RHBDD2: variants seen among roughly 807,000 people sequenced by gnomAD.
RHBDD2 encodes rhomboid domain containing 2, also known as rhomboid domain-containing protein 2.
RHBDD2 carries 13 observed loss-of-function variants against 21.7 expected under a neutral mutation model. The ratio of observed to expected loss-of-function variants is 0.60; its 90% CI spans 0.39 to 0.95. The LOEUF (loss-of-function observed/expected upper bound fraction) is 0.95. RHBDD2 is among the 40% of genes least tolerant of loss of function. The pLI is 0.00. For missense variants in RHBDD2, 473 were observed against 478.9 expected, an observed-to-expected ratio of 0.99 and a Z score of 0.11; for synonymous variants, 225 against 220.0, an observed-to-expected ratio of 1.02 and a Z score of -0.20.
chr7:75,882,037 G>A lies in RHBDD2; in HGVS notation c.387G>A (p.Val129=), dbSNP rs1205595699. 6 of 1,614,120 alleles carry A rather than the reference G, an allele frequency of 3.7e-6. No individual in the cohort carries two copies. Among genetic ancestry groups the A allele is most frequent in the Non-Finnish European group, 5.1e-6 (6 of 1,180,058 alleles). ...CATCACTGTCAAAGCTGGGGGAAGT[G>A]GAGGATGCCAGAGGTTTCACCCCAG... ...AVSSLSKLGE[V]EDARGFTPVA... The change falls in exon 2 of 4, where the codon GTG becomes GTA. Residue 129 remains valine, a synonymous_variant. Coordinates refer to ENST00000006777, the MANE Select transcript of RHBDD2 (RefSeq NM_001040456.3).
intron 1 of RHBDD2, 200 bp from the exon 2 acceptor site, chr7:75,881,627 GAT>G (rs1421706015): frequency 9.6e-7 from 1 of 1,038,176 alleles, no homozygotes; most frequent in Non-Finnish European, 1.4e-6. Context: ...GAAGTGTAGG[GAT>G]TAGATATTCA....
intron 3 of RHBDD2, 39 bp downstream of exon 3, chr7:75,883,887 TA>T (rs781901344): frequency 3.5e-4 from 509 of 1,450,358 alleles, no homozygotes; most frequent in Non-Finnish European, 3.5e-4. Flanking sequence ...AAATCTTTTT[TA>T]AAAAAAAAAT....
Position 75,884,758 on chromosome 7 carries a change from A to C in RHBDD2, c.737+910A>C, listed in dbSNP as rs116214615. Among the ~76,000 whole-genome samples, 363 of 152,280 alleles carry C rather than the reference A, an allele frequency of 2.4e-3. 2 individuals are homozygous for C. Among genetic ancestry groups the C allele is most frequent in the African/African-American group, 8.4e-3 (351 of 41,568 alleles). On this transcript the variant is annotated intron_variant, in intron 3 of 3. Transcript: ENST00000006777. ...GGCTGGGCAGGAGGGCCCCCATCTAATTGACATTAGACACATACCTGCTGC... is the reference window on the plus strand; with the variant it reads ...GGCTGGGCAGGAGGGCCCCCATCTACTTGACATTAGACACATACCTGCTGC...
At chr7:75,885,107 C>T (rs1287483230) in intron 3 of RHBDD2, among the ~76,000 whole-genome samples, 1 of 142,690 alleles carries the variant, frequency 7.0e-6, no homozygotes, top group Non-Finnish European at 1.5e-5. Flanking sequence ...GAGCAAGACA[C>T]TGTCTCCCAA....
In RHBDD2 at chr7:75,879,041, C is replaced by T. The variant is rs186561790; in HGVS notation, c.-42C>T. On this transcript the variant is annotated 5_prime_UTR_variant, in exon 1 of 4. Transcript: ENST00000006777. ...CGAGGAGGCGGAAGGAGCAGAGGACCGGCAGCCGGCGTCGAGGCGGGGCGC... is the reference window on the plus strand; with the variant it reads ...CGAGGAGGCGGAAGGAGCAGAGGACTGGCAGCCGGCGTCGAGGCGGGGCGC... The T allele has an allele frequency of 0.021, 29,099 of 1,363,462 alleles. 395 individuals are homozygous for T. The highest frequency in any genetic ancestry group is 0.023 in the Non-Finnish European group (24,248 of 1,055,590). The allele number at this position is 1,363,462 out of a possible 1,614,324, so 84.5% of individuals were successfully genotyped here.
intron 3 of RHBDD2, among the ~76,000 whole-genome samples, chr7:75,886,826 AAAG>A (rs1180409084): frequency 6.6e-6 from 1 of 152,058 alleles, no homozygotes; most frequent in East Asian, 1.9e-4. Context: ...AAAAAAAAAA[AAAG>A]AGTTCTTCCA....
intron 1 of RHBDD2, among the ~76,000 whole-genome samples, chr7:75,880,758 T>C (rs1805276660): frequency 6.6e-6 from 1 of 152,124 alleles, no homozygotes; most frequent in Admixed American, 6.6e-5. Context: ...GATAGGGTCT[T>C]CGTCTTACCC....
At chr7:75,880,753 G>T (rs1394026952) in intron 1 of RHBDD2, among the ~76,000 whole-genome samples, 1 of 151,936 alleles carries the variant, frequency 6.6e-6, no homozygotes, top group Non-Finnish European at 1.5e-5. Flanking sequence ...TTAGAGATAG[G>T]GTCTTCGTCT....
intron 3 of RHBDD2, among the ~76,000 whole-genome samples, chr7:75,887,324 A>AT (rs571402170): frequency 8.7e-4 from 121 of 138,898 alleles, no homozygotes; most frequent in South Asian, 8.0e-3. Flanking sequence ...AAAAAAAACA[A>AT]TTTTTTTTTT....
rs782222419 is a variant in RHBDD2, at chr7:75,883,754, G to A, written c.643G>A (p.Asp215Asn). 19 of 1,613,316 alleles carry A rather than the reference G, an allele frequency of 1.2e-5. No homozygotes were observed. The highest frequency in any genetic ancestry group is 6.7e-5 in the Admixed American group (4 of 59,946). ...CTCAGAGCGAGTGGCACTGAAGCTC[G>A]ATCAGACCTTCCCCTTCAGCCTGAT... ...DLSERVALKLDQTFPFSLMRR... is the reference protein window; with the variant it reads ...DLSERVALKLNQTFPFSLMRR... The change falls in exon 3 of 4, where the codon GAT becomes AAT. Residue 215 changes from aspartate to asparagine, a missense_variant. Coordinates refer to ENST00000006777, the MANE Select transcript of RHBDD2 (RefSeq NM_001040456.3).
chr7:75,880,786 T>C (rs1805278653), intron 1 of RHBDD2, among the ~76,000 whole-genome samples: 1 of 152,146 alleles, frequency 6.6e-6, no homozygotes, highest in Non-Finnish European at 1.5e-5. Context: ...AGTGCAGAGA[T>C]GCAATCATAG....
At chr7:75,883,667 C>T in intron 2 of RHBDD2, 31 bp from the exon 3 acceptor site, 1 of 1,605,738 alleles carries the variant, frequency 6.2e-7, no homozygotes, top group Non-Finnish European at 8.5e-7. Flanking sequence ...CCCTTTGCTG[C>T]CTCCAGTTTC....
At position 75,879,118 on chromosome 7, in the gene RHBDD2, C is replaced by A; in HGVS notation, c.36C>A (p.Cys12Ter). The A allele has an allele frequency of 7.1e-7, 1 of 1,404,928 alleles. No homozygotes were observed. Among genetic ancestry groups the A allele is most frequent in the Admixed American group, 3.1e-5 (1 of 32,068 alleles). 87.0% of individuals were successfully genotyped at this position (1,404,928 alleles called of 1,614,324 possible). A position where few individuals can be genotyped will look rare whatever the true frequency, so the allele number is the denominator to read the frequency against. ...CGGGGCCCGGGTGTCGCAGCTGGTGCTTGTGTCCCGAGGTGCCATCCGCCA... is the reference window on the plus strand; with the variant it reads ...CGGGGCCCGGGTGTCGCAGCTGGTGATTGTGTCCCGAGGTGCCATCCGCCA... The part of the protein sequence containing the change: ...AASGPGCRSW[C>*]LCPEVPSATF... Residue 12 changes from cysteine to a stop codon, truncating the protein, a stop_gained, in exon 1 of 4, where the codon TGC (cysteine) becomes TGA (stop). Transcript: ENST00000006777. LOFTEE classifies it high-confidence loss of function.
rs782764704 is a variant in RHBDD2 at position 75,881,979 on chromosome 7, C to G, written c.329C>G (p.Ser110Cys). 1 of 1,614,264 alleles carries G rather than the reference C, an allele frequency of 6.2e-7. No individual in the cohort carries two copies. The highest frequency in any genetic ancestry group is 1.1e-5 in the South Asian group (1 of 91,088). Reference protein sequence around the residue: ...CFFTVIFAIFSAIIFLSFEAV... With the variant: ...CFFTVIFAIFCAIIFLSFEAV... ...TTCACCGTGATCTTCGCCATCTTCT[C>G]CGCTATCATCTTCCTGTCATTCGAG... The change falls in exon 2 of 4, where the codon TCC (serine) becomes TGC (cysteine). Residue 110 changes from serine (S) to cysteine (C), a missense_variant. Ser to Cys is a moderately radical substitution (Grantham distance 112). Coordinates refer to ENST00000006777, the MANE Select transcript of RHBDD2 (RefSeq NM_001040456.3).
In RHBDD2 at chr7:75,888,523, T is replaced by C; in HGVS notation, c.*174T>C. 1 of 585,908 alleles carries C rather than the reference T, an allele frequency of 1.7e-6. No individual in the cohort carries two copies. The highest frequency in any genetic ancestry group is 2.7e-4 in the Middle Eastern group (1 of 3,690). 36.3% of individuals were successfully genotyped at this position (585,908 alleles called of 1,614,324 possible). ...CACGGCAGCCCTGTGGAGTACGGTG[T>C]ACTGGCCCAGCTTACAGATGCAGAA... On this transcript the variant is annotated 3_prime_UTR_variant, in exon 4 of 4. Coordinates refer to ENST00000006777, the MANE Select transcript of RHBDD2 (RefSeq NM_001040456.3).
intron 3 of RHBDD2, among the ~76,000 whole-genome samples, chr7:75,886,090 G>C (rs1280389796): frequency 6.7e-6 from 1 of 149,160 alleles, no homozygotes; most frequent in Non-Finnish European, 1.5e-5. Context: ...GTATCAGAAG[G>C]CAAGGTGCTT....
intron 2 of RHBDD2, 23 bp downstream of exon 2, chr7:75,882,259 A>C: frequency 6.3e-7 from 1 of 1,581,346 alleles, no homozygotes; most frequent in Non-Finnish European, 8.6e-7. Context: ...GCAGAGAGCT[A>C]TAGAACAACG....
chr7:75,886,607 G>A (rs1485112055), intron 3 of RHBDD2, among the ~76,000 whole-genome samples: 1 of 152,108 alleles, frequency 6.6e-6, no homozygotes, highest in Non-Finnish European at 1.5e-5. Flanking sequence ...GAGATCAGGA[G>A]ATCGAGACCA....
At position 75,881,898 on chromosome 7, in the gene RHBDD2, T is replaced by C. The variant is rs782153688; in HGVS notation, c.248T>C (p.Ile83Thr). The change falls in exon 2 of 4, where the codon ATC becomes ACC. Residue 83 changes from isoleucine (I) to threonine (T), a missense_variant. Coordinates refer to ENST00000006777, the MANE Select transcript of RHBDD2 (RefSeq NM_001040456.3). ...TCCCTGCTCTGCGGCGCTATCATCA[T>C]CTGGCGCTTTGCTGGCAATTTCGAG... ...PISLLCGAII[I>T]WRFAGNFERT... 8 of 1,614,096 alleles carry C rather than the reference T, an allele frequency of 5.0e-6. No homozygotes were observed. Among genetic ancestry groups the C allele is most frequent in the Admixed American group, 3.3e-5 (2 of 60,002 alleles).
Sources: allele counts gnomAD v4.1 joint callset (sites outside exome capture counted in the v4.1 genomes callset), GRCh38; gene constraint gnomAD v4.1.1; transcripts MANE v1.5; gene names NCBI Gene and HGNC (gene_info 2026-07-23, HGNC 2026-07-21).